CSMD1: variants seen among roughly 807,000 people sequenced by gnomAD.
CSMD1 encodes the protein CUB and Sushi multiple domains 1, also known as CUB and sushi domain-containing protein 1.
A neutral mutation model predicts 417.5 loss-of-function variants in CSMD1; 213 were observed. The observed-to-expected ratio is 0.51, with a 90% CI of 0.46 to 0.57. The LOEUF is 0.57. Ranked by LOEUF, CSMD1 falls within the 20% of genes least tolerant of loss-of-function variation. CSMD1 has a pLI of 0.00. For missense variants in CSMD1, 6,923 were observed against 4,529.7 expected (o/e 1.53, Z -15.17); for synonymous variants, 2,862 against 1,736.8 (o/e 1.65, Z -16.11).
intron 3 of CSMD1, among the ~76,000 whole-genome samples, chr8:4,058,351 A>G (rs1011594005): frequency 5.9e-5 from 9 of 152,152 alleles, no homozygotes; most frequent in Non-Finnish European, 4.4e-5. Context: ...TTATTGGTAT[A>G]TAAGAATGCT....
At chr8:3,949,884 C>G (rs948916513) in intron 5 of CSMD1, 5 of 455,632 alleles carry the variant, frequency 1.1e-5, no homozygotes, top group African/African-American at 1.0e-4. Flanking sequence ...AGCCCCAATT[C>G]AAGATTGTGC....
intron 5 of CSMD1, among the ~76,000 whole-genome samples, chr8:3,964,736 G>C (rs1032123523): frequency 6.6e-6 from 1 of 152,124 alleles, no homozygotes; most frequent in Non-Finnish European, 1.5e-5. Flanking sequence ...GTACTTGCGT[G>C]ACACATACAT....
chr8:4,695,517 TTCA>T (rs1807070905), intron 1 of CSMD1, among the ~76,000 whole-genome samples: 1 of 152,188 alleles, frequency 6.6e-6, no homozygotes, highest in African/African-American at 2.4e-5. Context: ...GTTAAACGAT[TTCA>T]TTTTTTACAG....
chr8:4,910,923 G>C (rs1805624667), intron 1 of CSMD1, among the ~76,000 whole-genome samples: 1 of 152,064 alleles, frequency 6.6e-6, no homozygotes, highest in African/African-American at 2.4e-5. Context: ...TTGAATCATG[G>C]GGTCAGGTCT....
intron 2 of CSMD1, among the ~76,000 whole-genome samples, chr8:4,605,035 G>C (rs983189691): frequency 2.0e-5 from 3 of 152,146 alleles, no homozygotes; most frequent in Non-Finnish European, 4.4e-5. Context: ...CATGATATCT[G>C]TGGCTGGCCA....
intron 3 of CSMD1, among the ~76,000 whole-genome samples, chr8:4,243,498 T>C (rs142386887): frequency 6.6e-4 from 101 of 152,272 alleles, no homozygotes; most frequent in African/African-American, 2.4e-3. Context: ...AGAAACTTTC[T>C]AATTTTAAAC....
chr8:4,869,549 C>T (rs1231079370), intron 1 of CSMD1, among the ~76,000 whole-genome samples: 3 of 151,980 alleles, frequency 2.0e-5, no homozygotes, highest in African/African-American at 7.3e-5. Context: ...TTTTTTACTG[C>T]ATGGCTGTTA....
At chr8:4,673,144 G>C (rs760279154) in intron 1 of CSMD1, among the ~76,000 whole-genome samples, 3 of 151,954 alleles carry the variant, frequency 2.0e-5, no homozygotes, top group Admixed American at 1.3e-4. Flanking sequence ...AGGACATTGA[G>C]GGGAAAAAGG....
chr8:4,077,450 C>G (rs1410433810), intron 3 of CSMD1, among the ~76,000 whole-genome samples: 1 of 151,478 alleles, frequency 6.6e-6, no homozygotes, highest in Admixed American at 6.6e-5. Flanking sequence ...GTATCCTATA[C>G]ATATCATTAC....
intron 3 of CSMD1, among the ~76,000 whole-genome samples, chr8:4,334,920 C>T (rs1003425418): frequency 1.3e-5 from 2 of 152,012 alleles, no homozygotes; most frequent in African/African-American, 2.4e-5. Flanking sequence ...CACTTTCTAC[C>T]CCCACAGATG....
intron 3 of CSMD1, among the ~76,000 whole-genome samples, chr8:4,261,519 T>C (rs970980300): frequency 2.0e-5 from 3 of 152,172 alleles, no homozygotes; most frequent in Non-Finnish European, 4.4e-5. Context: ...AATACTGTTA[T>C]TATATACTTG....
chr8:3,352,508 G>A (rs1808484442), intron 21 of CSMD1, among the ~76,000 whole-genome samples: 1 of 152,042 alleles, frequency 6.6e-6, no homozygotes, highest in African/African-American at 2.4e-5. Context: ...TTTTGTTTTT[G>A]GTCTATTTGT....
At chr8:3,206,080 T>C (rs952250163) in intron 30 of CSMD1, among the ~76,000 whole-genome samples, 2 of 152,208 alleles carry the variant, frequency 1.3e-5, no homozygotes, top group Non-Finnish European at 2.9e-5. Context: ...TTCTTTGTTT[T>C]AACGTTTCAT....
At chr8:4,933,140 T>C (rs547595415) in intron 1 of CSMD1, among the ~76,000 whole-genome samples, 18 of 152,320 alleles carry the variant, frequency 1.2e-4, no homozygotes, top group African/African-American at 3.8e-4. Flanking sequence ...ATCTGGTATA[T>C]GTTTTTCTTT....
At chr8:4,268,195 T>G (rs1475270744) in intron 3 of CSMD1, among the ~76,000 whole-genome samples, 1 of 152,154 alleles carries the variant, frequency 6.6e-6, no homozygotes, top group African/African-American at 2.4e-5. Context: ...CAACTCACCA[T>G]AAAGGATTAT....
At chr8:4,943,534 A>AAAAT (rs200319815) in intron 1 of CSMD1, among the ~76,000 whole-genome samples, 12 of 38,600 alleles carry the variant, frequency 3.1e-4, no homozygotes, top group Admixed American at 1.9e-3. Context: ...AAAATAAAAT[A>AAAAT]AAATAAAATC....
chr8:4,067,874 G>A (rs1273646008), intron 3 of CSMD1, among the ~76,000 whole-genome samples: 1 of 151,996 alleles, frequency 6.6e-6, no homozygotes, highest in East Asian at 1.9e-4. Context: ...GTCAAGAGAT[G>A]GAGACCATCC....
At chr8:3,815,626 C>CTT (rs5888995) in intron 5 of CSMD1, among the ~76,000 whole-genome samples, 10,233 of 146,364 alleles carry the variant, frequency 0.07, 487 homozygotes, top group East Asian at 0.23. Context: ...GCTAGACTTT[C>CTT]TTTTTTTTTT....
At position 4,037,443 on chromosome 8, in the gene CSMD1, T is replaced by G. The variant is rs75502576; in HGVS notation, c.416-5344A>C. Among the ~76,000 whole-genome samples the G allele has an allele frequency of 3.9e-3, 595 of 152,342 alleles. 3 individuals are homozygous for G. The highest frequency in any genetic ancestry group is 0.014 in the African/African-American group (572 of 41,584). On this transcript the variant is annotated intron_variant, in intron 3 of 69. Transcript: ENST00000635120. ...GAGGATGTCTATTTCTGGGGCATCT[T>G]AGACCATTTCAATGGTTTGCTTTTT...
Sources: allele counts gnomAD v4.1 joint callset (sites outside exome capture counted in the v4.1 genomes callset), GRCh38; gene constraint gnomAD v4.1.1; transcripts MANE v1.5; gene names NCBI Gene and HGNC (gene_info 2026-07-23, HGNC 2026-07-21).